The following PTPN4 variants were observed in gnomAD, a reference collection of about 807,000 sequenced individuals.
PTPN4 encodes tyrosine-protein phosphatase non-receptor type 4.
In PTPN4, 49 loss-of-function variants were observed where a neutral mutation model predicts 135.5. The ratio of observed to expected loss-of-function variants is 0.36; its 90% CI spans 0.29 to 0.46. The LOEUF is 0.46. Ranked by LOEUF, PTPN4 falls within the 20% of genes least tolerant of loss-of-function variation. The pLI, the probability that PTPN4 is intolerant of heterozygous loss-of-function variation, is 1.00. For synonymous variants in PTPN4, 333 were observed against 369.9 expected, an observed-to-expected ratio of 0.90 and a Z score of 1.14; for missense variants, 860 against 1,101.0, an observed-to-expected ratio of 0.78 and a Z score of 3.10.
intron 24 of PTPN4, among the ~76,000 whole-genome samples, chr2:119,963,906 T>G (rs1679407361): frequency 6.6e-6 from 1 of 152,202 alleles, no homozygotes; most frequent in Non-Finnish European, 1.5e-5. Flanking sequence ...CATGACAGTT[T>G]TATATACCAT....
chr2:119,910,170 G>T (rs1224170570), intron 10 of PTPN4, among the ~76,000 whole-genome samples: 3 of 151,990 alleles, frequency 2.0e-5, no homozygotes, highest in Admixed American at 6.6e-5. Context: ...ATTGTGGCAA[G>T]ACCCTCCACC....
rs555490167 is a variant in PTPN4 at position 119,912,752 on chromosome 2, A to T, written c.765-2427A>T. 2.0e-5 allele frequency among the ~76,000 whole-genome samples: 3 copies of T among 152,292 alleles called. No homozygotes were observed. In the East Asian group the frequency reaches 5.8e-4, roughly 29 times the overall value. ...TCTATGTACCATAAATTTGCCTATT[A>T]AAGTATACAGTTTAGTGGTTTGTGG... On this transcript the variant is annotated intron_variant, in intron 10 of 26. Transcript: ENST00000263708.
intron 3 of PTPN4, among the ~76,000 whole-genome samples, 196 bp from the exon 4 acceptor site, chr2:119,877,127 A>G (rs1024976988): frequency 2.0e-5 from 3 of 152,194 alleles, no homozygotes; most frequent in African/African-American, 7.2e-5. Context: ...ATATTAACAC[A>G]TTCACTAATT....
intron 10 of PTPN4, among the ~76,000 whole-genome samples, chr2:119,908,143 G>A (rs1678516415): frequency 6.6e-6 from 1 of 152,096 alleles, no homozygotes; most frequent in South Asian, 2.1e-4. Flanking sequence ...GGAAACAATC[G>A]ACAGAGTATA....
chr2:119,974,108 T>G (rs2105067746), intron 26 of PTPN4, among the ~76,000 whole-genome samples: 1 of 152,354 alleles, frequency 6.6e-6, no homozygotes, highest in Non-Finnish European at 1.5e-5. Context: ...ACTAGCTTCC[T>G]CCAAGGGTGA....
intron 2 of PTPN4, among the ~76,000 whole-genome samples, chr2:119,814,294 C>T (rs1166218474): frequency 6.6e-6 from 1 of 152,156 alleles, no homozygotes; most frequent in Non-Finnish European, 1.5e-5. Context: ...GCAGTATAAT[C>T]TGCCTGTACA....
chr2:119,903,236 C>T (rs1217902821), intron 10 of PTPN4, among the ~76,000 whole-genome samples: 1 of 152,064 alleles, frequency 6.6e-6, no homozygotes, highest in Non-Finnish European at 1.5e-5. Flanking sequence ...AACTCACATC[C>T]TCCGGCAGCA....
At chr2:119,787,739 T>TA (rs1691071499) in intron 1 of PTPN4, among the ~76,000 whole-genome samples, 1 of 152,236 alleles carries the variant, frequency 6.6e-6, no homozygotes, top group African/African-American at 2.4e-5. Flanking sequence ...TTGTGGAACC[T>TA]ATGTAGTTCT....
chr2:119,778,916 A>ATTT (rs1690887327), intron 1 of PTPN4, among the ~76,000 whole-genome samples: 2 of 127,534 alleles, frequency 1.6e-5, no homozygotes, highest in African/African-American at 6.6e-5. Context: ...TACCAGGAAT[A>ATTT]CTTTGTTGTC....
intron 16 of PTPN4, among the ~76,000 whole-genome samples, chr2:119,946,083 C>T (rs2105047859): frequency 6.6e-6 from 1 of 152,176 alleles, no homozygotes; most frequent in East Asian, 1.9e-4. Context: ...TTAATAAAGA[C>T]AGACATGGCC....
At chr2:119,864,470 A>G (rs1356069810) in intron 3 of PTPN4, among the ~76,000 whole-genome samples, 1 of 152,134 alleles carries the variant, frequency 6.6e-6, no homozygotes, top group African/African-American at 2.4e-5. Context: ...GAGAAAAAAT[A>G]GATAATTCTT....
rs1227097848 is a variant in PTPN4 at position 119,918,190 on chromosome 2, T to C, written c.829-1879T>C. On this transcript the variant is annotated intron_variant, in intron 11 of 26. Coordinates refer to ENST00000263708, the MANE Select transcript of PTPN4 (RefSeq NM_002830.4). ...ATCAAGAAGTGATGTTTTAAGCATA[T>C]TCCCTTCTAATATGATAGTTTAATA... Among the ~76,000 whole-genome samples, 4 of 152,234 alleles carry C rather than the reference T, an allele frequency of 2.6e-5. No individual in the cohort carries two copies. The East Asian group carries it at 5.8e-4, about 22-fold the overall frequency.
chr2:119,805,206 T>C (rs1199621857), intron 1 of PTPN4, among the ~76,000 whole-genome samples: 1 of 152,232 alleles, frequency 6.6e-6, no homozygotes, highest in Admixed American at 6.5e-5. Flanking sequence ...GATGGATAGA[T>C]TGCAAAAATT....
At position 119,932,513 on chromosome 2, in the gene PTPN4, G is replaced by A. The variant is rs919531073; in HGVS notation, c.1160G>A (p.Ser387Asn). 1.2e-6 allele frequency: 2 copies of A among 1,612,010 alleles called. No individual in the cohort carries two copies. The highest frequency in any genetic ancestry group is 1.3e-5 in the African/African-American group (1 of 74,810). The change falls in exon 14 of 27, where the codon AGT becomes AAT. Residue 387 changes from serine to asparagine, a missense_variant. Ser to Asn is a conservative substitution (Grantham distance 46). Transcript: ENST00000263708. ...TCTGATGACAGGTTAGAAACACAAAGTCTTCCATCACGATCTCCACCGGGA... is the reference window on the plus strand; with the variant it reads ...TCTGATGACAGGTTAGAAACACAAAATCTTCCATCACGATCTCCACCGGGA... ...SISDDRLETQSLPSRSPPGTP... is the reference protein window; with the variant it reads ...SISDDRLETQNLPSRSPPGTP...
At position 119,835,929 on chromosome 2, in the gene PTPN4, C is replaced by T. The variant is rs554620192; in HGVS notation, c.138+25938C>T. ...CTAAAAATACAAAAAATTAGCCAGG[C>T]GTGGTGGCGGGTACCTGTAATCCCA... On this transcript the variant is annotated intron_variant, in intron 2 of 26. Transcript: ENST00000263708. 1.1e-4 allele frequency among the ~76,000 whole-genome samples: 16 copies of T among 151,972 alleles called. No homozygotes were observed. In the East Asian group the frequency reaches 1.2e-3, roughly 11 times the overall value.
chr2:119,820,618 A>G (rs1409507801), intron 2 of PTPN4, among the ~76,000 whole-genome samples: 3 of 152,176 alleles, frequency 2.0e-5, no homozygotes, highest in African/African-American at 7.2e-5. Context: ...AATACTCTAG[A>G]GAAGAAATTG....
chr2:119,838,786 A>G (rs190113322), intron 2 of PTPN4, among the ~76,000 whole-genome samples: 7 of 152,390 alleles, frequency 4.6e-5, no homozygotes, highest in Admixed American at 2.6e-4. Context: ...AGGAACTAAA[A>G]GCACATAAAC....
chr2:119,878,171 GTATA>G (rs1021013107), intron 5 of PTPN4, among the ~76,000 whole-genome samples: 4 of 152,108 alleles, frequency 2.6e-5, no homozygotes, highest in African/African-American at 9.7e-5. Context: ...ACTTGACAGA[GTATA>G]TACACATGAA....
intron 22 of PTPN4, among the ~76,000 whole-genome samples, chr2:119,959,035 GAGTTGGTTTGTTTGATCT>G (rs1277880346): frequency 3.3e-5 from 5 of 152,098 alleles, no homozygotes; most frequent in African/African-American, 1.2e-4. Flanking sequence ...AAAACAAAAT[GAGTTGGTTTGTTTGATCT>G]CACCTGGAAA....
Sources: allele counts gnomAD v4.1 joint callset (sites outside exome capture counted in the v4.1 genomes callset), GRCh38; gene constraint gnomAD v4.1.1; transcripts MANE v1.5; gene names NCBI Gene and HGNC (gene_info 2026-07-23, HGNC 2026-07-21).